Variants in DLG3 observed in about 807,000 individuals in gnomAD.
The protein encoded by DLG3 is disks large homolog 3.
DLG3 carries 1 observed loss-of-function variant against 64.1 expected under a neutral mutation model. The observed-to-expected ratio is 0.02, with a 90% CI of 0.01 to 0.07. DLG3 has a LOEUF of 0.07. DLG3 is among the 10% of genes least tolerant of loss of function. DLG3 has a pLI of 1.00. For synonymous variants in DLG3, 245 were observed against 259.8 expected (o/e 0.94, Z 0.55); for missense variants, 429 against 669.5 (o/e 0.64, Z 3.96).
At position 70,449,863 on chromosome X, in the gene DLG3, C is replaced by A; in HGVS notation, c.703+4C>A. ...AACCTGCTCAAAGGGCCCAAAGGTG[C>A]GGCCCTCCAGGTTCCTGTGCTCCAG... On this transcript the variant is annotated splice_donor_region_variant and intron_variant, in intron 4 of 18. Coordinates refer to ENST00000374360, the MANE Select transcript of DLG3 (RefSeq NM_021120.4). The A allele has an allele frequency of 8.5e-7, 1 of 1,176,063 alleles. No homozygotes were observed. The highest frequency in any genetic ancestry group is 1.1e-6 in the Non-Finnish European group (1 of 877,141).
intron 14 of DLG3, among the ~76,000 whole-genome samples, chrX:70,498,953 T>A (rs1313147703): frequency 8.9e-6 from 1 of 112,456 alleles, no homozygotes; most frequent in Non-Finnish European, 1.9e-5. Context: ...CTGACTCTGT[T>A]AGAAGGGGAG....
intron 10 of DLG3, among the ~76,000 whole-genome samples, chrX:70,487,893 C>T (rs1602965357): frequency 9.0e-6 from 1 of 111,168 alleles, no homozygotes; most frequent in Non-Finnish European, 1.9e-5. Flanking sequence ...TCAGGTGATC[C>T]GCCCGCCTCA....
In DLG3 at chrX:70,448,917, A is replaced by T; in HGVS notation, c.362A>T (p.Asn121Ile). The change falls in exon 2 of 19, where the codon AAT becomes ATT. Residue 121 changes from asparagine to isoleucine, a missense_variant. This residue lies in a region of DLG3 where 123 missense variants were observed against 113.3 expected (regional missense o/e 1.09). Coordinates refer to ENST00000374360, the MANE Select transcript of DLG3 (RefSeq NM_021120.4). Reference sequence around the variant, plus strand: ...ACTGCCTGTGTCTCCCCCTAGGTGAATGGCAGTGATGGCATGTTCAAATAT... The same window carrying T: ...ACTGCCTGTGTCTCCCCCTAGGTGATTGGCAGTGATGGCATGTTCAAATAT... ...CTNRDWYEQV[N>I]GSDGMFKYEE... is the part of the protein sequence containing the mutation. The T allele has an allele frequency of 8.3e-7, 1 of 1,208,620 alleles. No individual in the cohort carries two copies. Among genetic ancestry groups the T allele is most frequent in the Non-Finnish European group, 1.1e-6 (1 of 894,497 alleles).
chrX:70,497,298 C>T (rs1249796723), intron 13 of DLG3: 1 of 973,518 alleles, frequency 1.0e-6, no homozygotes, highest in Non-Finnish European at 1.5e-6. Flanking sequence ...TGTTGCACAG[C>T]TGCCATTGCT....
chrX:70,448,047 C>T (rs1437201431), intron 1 of DLG3, among the ~76,000 whole-genome samples: 2 of 111,981 alleles, frequency 1.8e-5, no homozygotes, highest in Admixed American at 9.4e-5. Context: ...CCACCCTCGC[C>T]CTTTCTGCTG....
intron 9 of DLG3, among the ~76,000 whole-genome samples, chrX:70,461,878 C>T (rs2147798880): frequency 9.0e-6 from 1 of 111,575 alleles, no homozygotes; most frequent in African/African-American, 3.2e-5. Context: ...ACCTTTTTAA[C>T]AAAAAATTGC....
At chrX:70,477,554 T>C (rs1316803346) in intron 9 of DLG3, among the ~76,000 whole-genome samples, 1 of 111,317 alleles carries the variant, frequency 9.0e-6, no homozygotes, top group African/African-American at 3.3e-5. Flanking sequence ...TGGCTTGCCG[T>C]GTAACCCTCA....
intron 10 of DLG3, among the ~76,000 whole-genome samples, chrX:70,482,575 C>T (rs2087173036): frequency 9.2e-6 from 1 of 108,536 alleles, no homozygotes; most frequent in African/African-American, 3.4e-5. Flanking sequence ...TCATAGGAAT[C>T]AGCTGGAATG....
Position 70,452,688 on chromosome X carries a change from G to T in DLG3, c.1145+662G>T, listed in dbSNP as rs1367892659. 1.7e-6 allele frequency: 2 copies of T among 1,201,595 alleles called. No homozygotes were observed. Among genetic ancestry groups the T allele is most frequent in the Admixed American group, 2.2e-5 (1 of 45,027 alleles). On this transcript the variant is annotated intron_variant, in intron 7 of 18. Coordinates refer to ENST00000374360, the MANE Select transcript of DLG3 (RefSeq NM_021120.4). ...GGGCTTGGGCTCCGCCTCCGCTTCG[G>T]CCTGGAGGAGGGCTTCGCAGAGGTG...
At chrX:70,473,532 C>T (rs191559706) in intron 9 of DLG3, among the ~76,000 whole-genome samples, 21 of 111,750 alleles carry the variant, frequency 1.9e-4, no homozygotes, top group Admixed American at 1.3e-3. Context: ...TTTTGATTAC[C>T]ATTATATTCT....
chrX:70,492,059 T>C (rs2087369324), intron 10 of DLG3, 48 bp from the exon 11 acceptor site: 9 of 1,156,520 alleles, frequency 7.8e-6, no homozygotes, highest in Non-Finnish European at 1.0e-5. Flanking sequence ...GCCAGTGTCT[T>C]GGCATTTAGG....
At chrX:70,470,521 G>A (rs2086953185) in intron 9 of DLG3, among the ~76,000 whole-genome samples, 1 of 111,860 alleles carries the variant, frequency 8.9e-6, no homozygotes, top group South Asian at 3.7e-4. Context: ...GTGAGCCACT[G>A]CACCCAGCGT....
In DLG3 at chrX:70,502,518, C is replaced by G. The variant is rs1729891015; in HGVS notation, c.*249C>G. On this transcript the variant is annotated 3_prime_UTR_variant, in exon 19 of 19. Coordinates refer to ENST00000374360, the MANE Select transcript of DLG3 (RefSeq NM_021120.4). ...TGACTGTGCCCATTCCTGCATGGAC[C>G]TTTCCCAAGCGCTAGCACAGGTGCA... 3.2e-6 allele frequency: 1 copy of G among 315,347 alleles called. No individual in the cohort carries two copies. Among genetic ancestry groups the G allele is most frequent in the Admixed American group, 5.1e-5 (1 of 19,440 alleles). 26.0% of individuals were successfully genotyped at this position (315,347 alleles called of 1,213,427 possible).
chrX:70,497,942 G>C (rs922306199), intron 13 of DLG3, among the ~76,000 whole-genome samples: 1 of 111,880 alleles, frequency 8.9e-6, no homozygotes, highest in Non-Finnish European at 1.9e-5. Context: ...TGCTAGGCTC[G>C]ACATGGGGCT....
intron 6 of DLG3, 64 bp from the exon 7 acceptor site, chrX:70,451,803 T>G: frequency 8.5e-7 from 1 of 1,172,981 alleles, no homozygotes; most frequent in Non-Finnish European, 1.2e-6. Flanking sequence ...GGAAAGTCCT[T>G]GAGGAGTTTG....
rs188816942 is a variant in DLG3, at chrX:70,485,043, T to C, written c.1520+5779T>C. 5.3e-5 allele frequency among the ~76,000 whole-genome samples: 6 copies of C among 112,313 alleles called. No individual in the cohort carries two copies. In the East Asian group the frequency reaches 1.4e-3, roughly 26 times the overall value. ...TGCTTTATACAGACTGGGCAAGGGA[T>C]GGGCTGCTTAGTTGTCAAATAATGT... On this transcript the variant is annotated intron_variant, in intron 10 of 18. Coordinates refer to ENST00000374360, the MANE Select transcript of DLG3 (RefSeq NM_021120.4).
chrX:70,446,628 G>A (rs1255753190), intron 1 of DLG3, among the ~76,000 whole-genome samples: 2 of 112,779 alleles, frequency 1.8e-5, no homozygotes, highest in Non-Finnish European at 3.8e-5. Context: ...GCCCCTGGGT[G>A]CTGGGCACAA....
intron 7 of DLG3, 64 bp from the exon 8 acceptor site, chrX:70,453,573 T>A: frequency 8.4e-7 from 1 of 1,188,395 alleles, no homozygotes; most frequent in Non-Finnish European, 1.1e-6. Flanking sequence ...TGTTCCAGGC[T>A]GGCCCTCAAA....
intron 12 of DLG3, 89 bp downstream of exon 12, chrX:70,492,685 A>C (rs1352843364): frequency 1.2e-6 from 1 of 844,191 alleles, no homozygotes; most frequent in East Asian, 3.2e-5. Context: ...GAACTGGGGA[A>C]CACAAAAGAA....
Sources: allele counts gnomAD v4.1 joint callset (sites outside exome capture counted in the v4.1 genomes callset), GRCh38; gene constraint gnomAD v4.1.1; regional missense constraint gnomAD v4.1.1; transcripts MANE v1.5; gene names NCBI Gene and HGNC (gene_info 2026-07-23, HGNC 2026-07-21).